PPP6R2: variants seen among roughly 807,000 people sequenced by gnomAD.
PPP6R2 encodes serine/threonine-protein phosphatase 6 regulatory subunit 2.
Under a neutral mutation model 100.2 loss-of-function variants are expected in PPP6R2, and 62 were observed. The ratio of observed to expected loss-of-function variants is 0.62; its 90% confidence interval spans 0.50 to 0.76. The LOEUF (loss-of-function observed/expected upper bound fraction) is 0.76, where lower values mean the gene tolerates loss of function less well. PPP6R2 is among the 30% of genes least tolerant of loss of function. The pLI is 0.00. For missense variants in PPP6R2, 1,142 were observed against 1,276.3 expected, an observed-to-expected ratio of 0.89 and a Z score of 1.60; for synonymous variants, 525 against 514.7, an observed-to-expected ratio of 1.02 and a Z score of -0.27.
At chr22:50,386,888 G>A (rs73439390) in intron 2 of PPP6R2, among the ~76,000 whole-genome samples, 12,926 of 152,076 alleles carry the variant, frequency 0.085, 1,024 homozygotes, top group African/African-American at 0.21. Context: ...TGAAGAAAGG[G>A]AAACTGGAAA....
At chr22:50,369,373 T>C (rs8135489) in intron 1 of PPP6R2, among the ~76,000 whole-genome samples, 3,399 of 152,266 alleles carry the variant, frequency 0.022, 44 homozygotes, top group African/African-American at 0.041. Flanking sequence ...TATTACCTGT[T>C]TTAGAAGGTG....
At chr22:50,353,928 A>G (rs1201532837) in intron 1 of PPP6R2, among the ~76,000 whole-genome samples, 2 of 151,970 alleles carry the variant, frequency 1.3e-5, no homozygotes, top group African/African-American at 4.8e-5. Flanking sequence ...AAAAGAATAC[A>G]TTTTGGAATT....
At chr22:50,405,656 G>A (rs2058770240) in intron 3 of PPP6R2, among the ~76,000 whole-genome samples, 1 of 73,804 alleles carries the variant, frequency 1.4e-5, no homozygotes, top group Non-Finnish European at 2.8e-5. Flanking sequence ...CTGGAGAGAG[G>A]TGAGAGGCCT....
chr22:50,404,894 A>G (rs1313920290), intron 3 of PPP6R2, among the ~76,000 whole-genome samples: 1 of 152,012 alleles, frequency 6.6e-6, no homozygotes, highest in Non-Finnish European at 1.5e-5. Context: ...AGGGTCATGC[A>G]CCAGGCCTTG....
the PPP6R2 span, among the ~76,000 whole-genome samples, chr22:50,335,920 C>T: frequency 6.8e-6 from 1 of 146,984 alleles, no homozygotes; most frequent in Admixed American, 6.8e-5. Context: ...TCGTGATCCG[C>T]CTGCCTTGGC....
chr22:50,398,578 C>T (rs2057504848), intron 3 of PPP6R2, among the ~76,000 whole-genome samples: 2 of 148,628 alleles, frequency 1.3e-5, no homozygotes, highest in Admixed American at 6.8e-5. Flanking sequence ...TGCAGTGGCG[C>T]GATCTTGGCT....
At chr22:50,384,035 C>CAAA (rs547396966) in intron 2 of PPP6R2, among the ~76,000 whole-genome samples, 27,946 of 74,860 alleles carry the variant, frequency 0.37, 3,826 homozygotes, top group South Asian at 0.57. Context: ...GACTCCATCT[C>CAAA]AAAAAAAAAA....
intron 1 of PPP6R2, among the ~76,000 whole-genome samples, chr22:50,349,720 CAGG>C (rs1035074431): frequency 1.4e-5 from 2 of 148,102 alleles, no homozygotes; most frequent in Non-Finnish European, 3.0e-5. Context: ...CCAGCTGAGG[CAGG>C]AGAATTGCTT....
Position 50,431,875 on chromosome 22 carries a change from G to A in PPP6R2, c.1336-390G>A, listed in dbSNP as rs889080661. Among the ~76,000 whole-genome samples, 1 of 152,202 alleles carries A rather than the reference G, an allele frequency of 6.6e-6. No homozygotes were observed. The highest frequency in any genetic ancestry group is 2.4e-5 in the African/African-American group (1 of 41,446). On this transcript the variant is annotated intron_variant, in intron 11 of 23. Transcript: ENST00000612753. This position sits in a 1 kb window ranked among gnomAD's most constrained non-coding sequence, Gnocchi z 4.8. The stretch of plus-strand genomic sequence containing the variant: ...TGTCAGGGCCTGGAGGTGAGAGAAA[G>A]TGCTGAGGGCAGACAGCCCTAGTCG...
At chr22:50,374,787 G>A (rs1295570191) in intron 2 of PPP6R2, among the ~76,000 whole-genome samples, 6 of 151,726 alleles carry the variant, frequency 4.0e-5, no homozygotes, top group African/African-American at 7.3e-5. Context: ...GGTGGTGCGC[G>A]CCTGTATTCC....
chr22:50,373,870 A>C (rs1451031020), intron 2 of PPP6R2, among the ~76,000 whole-genome samples: 1 of 151,990 alleles, frequency 6.6e-6, no homozygotes, highest in Non-Finnish European at 1.5e-5. Flanking sequence ...AATAGCTGGG[A>C]TTACAGGCAC....
In PPP6R2 at chr22:50,423,754, G is replaced by C; in HGVS notation, c.1125+140G>C. ...GGAGGTTCCAGTCCCAAGTCCCAAG[G>C]CTGGACTACAGGTCTCTGGCGGGGC... is the stretch of plus-strand genomic sequence containing the variant. On this transcript the variant is annotated intron_variant, in intron 10 of 23. Transcript: ENST00000612753. This position sits in a 1 kb window ranked among gnomAD's most constrained non-coding sequence, Gnocchi z 4.8. 1 of 1,090,920 alleles carries C rather than the reference G, an allele frequency of 9.2e-7. No individual in the cohort carries two copies. The highest frequency in any genetic ancestry group is 1.5e-5 in the South Asian group (1 of 66,046). 67.6% of individuals were successfully genotyped at this position (1,090,920 alleles called of 1,614,324 possible). A position where few individuals can be genotyped will look rare whatever the true frequency, so the allele number is the denominator to read the frequency against.
chr22:50,355,504 C>T (rs917611660), intron 1 of PPP6R2, among the ~76,000 whole-genome samples: 3 of 150,602 alleles, frequency 2.0e-5, no homozygotes, highest in Non-Finnish European at 4.4e-5. Context: ...GCTGGGATTA[C>T]AAGCGTGAGC....
At chr22:50,394,414 G>A (rs12159099) in intron 3 of PPP6R2, among the ~76,000 whole-genome samples, 54,413 of 151,252 alleles carry the variant, frequency 0.36, 10,324 homozygotes, top group South Asian at 0.61. Flanking sequence ...GGGCAACATA[G>A]TGCGACCCTG....
chr22:50,373,016 G>C (rs2050612407), intron 2 of PPP6R2, among the ~76,000 whole-genome samples: 1 of 152,020 alleles, frequency 6.6e-6, no homozygotes, highest in Admixed American at 6.6e-5. Context: ...AACAGGAACA[G>C]TTTTGCACAT....
intron 2 of PPP6R2, among the ~76,000 whole-genome samples, chr22:50,373,376 G>A (rs1324272396): frequency 1.3e-5 from 2 of 151,068 alleles, no homozygotes; most frequent in African/African-American, 4.9e-5. Flanking sequence ...CGAGTAGCTG[G>A]GACTACAGGC....
Position 50,435,116 on chromosome 22 carries a change from G to A in PPP6R2, c.1516+35G>A, listed in dbSNP as rs1300043395. The A allele has an allele frequency of 5.9e-5, 87 of 1,462,748 alleles. 1 individual carries two copies. Among genetic ancestry groups the A allele is most frequent in the Non-Finnish European group, 7.2e-5 (80 of 1,103,592 alleles). 90.6% of individuals were successfully genotyped at this position (1,462,748 alleles called of 1,614,324 possible). ...CAACCCGGTCATCCTTCTGCTGGTC[G>A]CGGGCACCGGGACCCCGAAGGAGCT... is the stretch of plus-strand genomic sequence containing the variant. On this transcript the variant is annotated intron_variant, in intron 13 of 23. Coordinates refer to ENST00000612753, the MANE Select transcript of PPP6R2 (RefSeq NM_001242898.2).
intron 2 of PPP6R2, among the ~76,000 whole-genome samples, chr22:50,390,282 G>A (rs1323921701): frequency 2.0e-5 from 3 of 152,160 alleles, no homozygotes; most frequent in East Asian, 3.9e-4. Context: ...GGGAGCCACC[G>A]CGCCCAGCCC....
intron 2 of PPP6R2, among the ~76,000 whole-genome samples, chr22:50,384,035 C>CAAAAAAA (rs547396966): frequency 6.6e-5 from 5 of 75,878 alleles, no homozygotes; most frequent in Non-Finnish European, 9.9e-5. Flanking sequence ...GACTCCATCT[C>CAAAAAAA]AAAAAAAAAA....
Sources: allele counts gnomAD v4.1 joint callset (sites outside exome capture counted in the v4.1 genomes callset), GRCh38; gene constraint gnomAD v4.1.1; non-coding constraint Gnocchi (gnomAD v3.1); transcripts MANE v1.5; gene names NCBI Gene and HGNC (gene_info 2026-07-23, HGNC 2026-07-21).